Variants in CORO2B observed in about 807,000 individuals in gnomAD.
CORO2B encodes the protein coronin 2B, also known as coronin-2B.
CORO2B carries 26 observed loss-of-function variants against 58.8 expected under a neutral mutation model. The observed-to-expected ratio is 0.44, with a 90% CI of 0.32 to 0.61. The LOEUF (loss-of-function observed/expected upper bound fraction) is 0.61, where lower values mean the gene tolerates loss of function less well. CORO2B is among the 20% of genes least tolerant of loss of function. The pLI, the probability that CORO2B is intolerant of heterozygous loss-of-function variation, is 0.04. For missense variants in CORO2B, 460 were observed against 645.1 expected (o/e 0.71, Z 3.11); for synonymous variants, 242 against 253.8 (o/e 0.95, Z 0.44).
the CORO2B span, among the ~76,000 whole-genome samples, chr15:68,523,559 T>G: frequency 1.3e-5 from 2 of 152,348 alleles, no homozygotes; most frequent in East Asian, 3.9e-4. Flanking sequence ...TTTGTTTAGT[T>G]TCTTAGCTTC....
intron 1 of CORO2B, among the ~76,000 whole-genome samples, chr15:68,580,525 C>G (rs1189711999): frequency 6.6e-6 from 1 of 152,146 alleles, no homozygotes; most frequent in South Asian, 2.1e-4. Flanking sequence ...TTCTTGGGCC[C>G]AACTCCAAAC....
At chr15:68,631,569 C>G (rs1396375042) in intron 1 of CORO2B, among the ~76,000 whole-genome samples, 1 of 152,176 alleles carries the variant, frequency 6.6e-6, no homozygotes, top group African/African-American at 2.4e-5. Context: ...AGTCGGCAAC[C>G]TTTAGACTTC....
intron 1 of CORO2B, among the ~76,000 whole-genome samples, chr15:68,583,900 T>C (rs1899491877): frequency 6.6e-6 from 1 of 152,222 alleles, no homozygotes; most frequent in African/African-American, 2.4e-5. Flanking sequence ...GCAAGGGCTC[T>C]GCCTGCTCTG....
intron 2 of CORO2B, among the ~76,000 whole-genome samples, chr15:68,666,324 G>A (rs74020268): frequency 0.019 from 2,928 of 152,292 alleles, 99 homozygotes; most frequent in African/African-American, 0.068. Flanking sequence ...CCTTTCCAAG[G>A]TGTCACGAGG....
At chr15:68,594,640 A>C (rs903069797) in intron 1 of CORO2B, among the ~76,000 whole-genome samples, 2 of 152,218 alleles carry the variant, frequency 1.3e-5, no homozygotes, top group Non-Finnish European at 2.9e-5. Flanking sequence ...CTGTTTATTG[A>C]ACTCATCCTC....
At chr15:68,624,240 G>T (rs1900611863) in intron 1 of CORO2B, among the ~76,000 whole-genome samples, 1 of 152,166 alleles carries the variant, frequency 6.6e-6, no homozygotes, top group Non-Finnish European at 1.5e-5. Flanking sequence ...CACAAGACTT[G>T]CAGTGGTGTG....
intron 2 of CORO2B, among the ~76,000 whole-genome samples, chr15:68,688,222 A>G (rs921656894): frequency 6.6e-6 from 1 of 152,194 alleles, no homozygotes; most frequent in African/African-American, 2.4e-5. Flanking sequence ...TTTAATAACA[A>G]TTTTATATGT....
At chr15:68,715,014 CA>C (rs1426583896) in intron 7 of CORO2B, among the ~76,000 whole-genome samples, 200 bp from the exon 8 acceptor site, 1 of 152,190 alleles carries the variant, frequency 6.6e-6, no homozygotes, top group Non-Finnish European at 1.5e-5. Flanking sequence ...ACACTCACAT[CA>C]GCCCATCCAC....
intron 1 of CORO2B, among the ~76,000 whole-genome samples, chr15:68,586,785 G>T (rs1387155502): frequency 1.3e-5 from 2 of 152,036 alleles, no homozygotes; most frequent in Admixed American, 1.3e-4. Flanking sequence ...CCCAGGCAAG[G>T]GGGTGTGGAA....
At chr15:68,705,512 A>G (rs138254367) in intron 3 of CORO2B, among the ~76,000 whole-genome samples, 140 of 152,026 alleles carry the variant, frequency 9.2e-4, no homozygotes, top group African/African-American at 3.2e-3. Context: ...GCTGGTATCA[A>G]ATGGGGATAA....
intron 1 of CORO2B, among the ~76,000 whole-genome samples, chr15:68,604,826 A>T (rs1017952808): frequency 6.6e-6 from 1 of 152,180 alleles, no homozygotes; most frequent in Non-Finnish European, 1.5e-5. Flanking sequence ...GCTGTTAAGA[A>T]GTTTTGAGGC....
the CORO2B span, among the ~76,000 whole-genome samples, chr15:68,566,766 G>T: frequency 6.6e-6 from 1 of 152,210 alleles, no homozygotes; most frequent in Non-Finnish European, 1.5e-5. Context: ...AGGCACCCTT[G>T]GGGTGAGCCC....
the CORO2B span, among the ~76,000 whole-genome samples, chr15:68,543,118 G>A: frequency 6.6e-5 from 10 of 152,288 alleles, no homozygotes; most frequent in Non-Finnish European, 1.3e-4. Flanking sequence ...AACAGGGATC[G>A]GGGGGTGGAG....
chr15:68,697,103 ATGGATGGATGGATGGATTG>A (rs1367434392), intron 3 of CORO2B, among the ~76,000 whole-genome samples: 2 of 152,052 alleles, frequency 1.3e-5, no homozygotes, highest in African/African-American at 2.4e-5. Context: ...CGATGGATGC[ATGGATGGATGGATGGATTG>A]TGGATGGATG....
At chr15:68,566,523 T>C in the CORO2B span, among the ~76,000 whole-genome samples, 3 of 152,116 alleles carry the variant, frequency 2.0e-5, no homozygotes, top group Admixed American at 6.5e-5. Flanking sequence ...CCCTCCAGCC[T>C]CGGGACATGC....
the CORO2B span, among the ~76,000 whole-genome samples, chr15:68,571,922 G>A: frequency 1.1e-4 from 16 of 152,354 alleles, no homozygotes; most frequent in African/African-American, 3.4e-4. Context: ...TGATGTAACC[G>A]GGGTGGTGGT....
intron 1 of CORO2B, among the ~76,000 whole-genome samples, chr15:68,588,798 G>C (rs1238235729): frequency 6.6e-6 from 1 of 152,114 alleles, no homozygotes; most frequent in East Asian, 1.9e-4. Context: ...GGAAAGAAAG[G>C]TGTTGGTGGA....
Position 68,726,269 on chromosome 15 carries a change from C to T in CORO2B, c.*295C>T, listed in dbSNP as rs1893297205. On this transcript the variant is annotated 3_prime_UTR_variant, in exon 12 of 12. Coordinates refer to ENST00000261861, the MANE Select transcript of CORO2B (RefSeq NM_006091.5). Reference sequence around the variant, plus strand: ...ACAGACTCCCTGGGGTTGGCAGGGGCTCCATCTCAGTGGACCAGGAAGCAA... The same window carrying T: ...ACAGACTCCCTGGGGTTGGCAGGGGTTCCATCTCAGTGGACCAGGAAGCAA... 2.7e-6 allele frequency: 1 copy of T among 373,040 alleles called. No homozygotes were observed. The highest frequency in any genetic ancestry group is 2.2e-5 in the African/African-American group (1 of 45,848). The allele number at this position is 373,040 out of a possible 1,614,324, so 23.1% of individuals were successfully genotyped here.
At chr15:68,651,364 C>T (rs2140278285) in intron 2 of CORO2B, among the ~76,000 whole-genome samples, 1 of 152,322 alleles carries the variant, frequency 6.6e-6, no homozygotes, top group East Asian at 1.9e-4. Context: ...ATGCGGAACC[C>T]TTCGTTGATC....
Sources: allele counts gnomAD v4.1 joint callset (sites outside exome capture counted in the v4.1 genomes callset), GRCh38; gene constraint gnomAD v4.1.1; transcripts MANE v1.5; gene names NCBI Gene and HGNC (gene_info 2026-07-23, HGNC 2026-07-21).